Variants in TMEM132B observed in about 807,000 individuals in gnomAD.
The protein encoded by TMEM132B is transmembrane protein 132B.
In TMEM132B, 18 loss-of-function variants were observed where a neutral mutation model predicts 90.8. The ratio of observed to expected loss-of-function variants is 0.20; its 90% CI spans 0.14 to 0.29. The LOEUF is 0.29. TMEM132B is among the 10% of genes least tolerant of loss of function. TMEM132B has a pLI of 1.00. For synonymous variants in TMEM132B, 504 were observed against 523.3 expected (o/e 0.96, Z 0.50); for missense variants, 1,096 against 1,326.8 (o/e 0.83, Z 2.70).
intron 1 of TMEM132B, among the ~76,000 whole-genome samples, chr12:125,324,942 C>T (rs1190942782): frequency 6.6e-6 from 1 of 152,138 alleles, no homozygotes; most frequent in Non-Finnish European, 1.5e-5. Flanking sequence ...TTCAACGGGG[C>T]TCAAACAAAA....
chr12:125,599,592 T>C (rs1885523823), intron 5 of TMEM132B, among the ~76,000 whole-genome samples: 1 of 152,180 alleles, frequency 6.6e-6, no homozygotes, highest in African/African-American at 2.4e-5. Context: ...GGTCCCATGC[T>C]CATTCTGTGG....
chr12:125,352,914 T>C (rs921185596), intron 2 of TMEM132B, among the ~76,000 whole-genome samples: 1 of 152,202 alleles, frequency 6.6e-6, no homozygotes, highest in Non-Finnish European at 1.5e-5. Context: ...ATTTAGCCTT[T>C]GGCTGTTACT....
intron 3 of TMEM132B, among the ~76,000 whole-genome samples, chr12:125,425,535 T>C (rs1880292971): frequency 6.6e-6 from 1 of 152,230 alleles, no homozygotes; most frequent in Non-Finnish European, 1.5e-5. Flanking sequence ...ATGACATTTA[T>C]GCACCATTAC....
At chr12:125,652,677 TTC>T (rs752523951) in intron 8 of TMEM132B, 45 bp downstream of exon 8, 1,081 of 1,566,544 alleles carry the variant, frequency 6.9e-4, no homozygotes, top group Non-Finnish European at 8.9e-4. Context: ...TGGGGATGAC[TTC>T]TCTCTCAGTT....
chr12:125,609,045 A>G (rs1017760421), intron 5 of TMEM132B, among the ~76,000 whole-genome samples: 3 of 152,166 alleles, frequency 2.0e-5, no homozygotes, highest in African/African-American at 7.2e-5. Context: ...GAAAAATGAG[A>G]GCCAGCAGGG....
Position 125,440,540 on chromosome 12 carries a change from C to T in TMEM132B, c.1106+24863C>T, listed in dbSNP as rs371360032. 9.9e-5 allele frequency among the ~76,000 whole-genome samples: 15 copies of T among 152,196 alleles called. No homozygotes were observed. In the South Asian group the frequency reaches 1.9e-3, roughly 19 times the overall value. ...CTCATTAGGACCCGCGATTATTTTC[C>T]CGTTAATAAATGAACTAGTACCTTG... On this transcript the variant is annotated intron_variant, in intron 3 of 8. Coordinates refer to ENST00000682704, the MANE Select transcript of TMEM132B (RefSeq NM_001366854.1).
chr12:125,241,188 G>C (rs1044701013), intron 1 of TMEM132B, among the ~76,000 whole-genome samples: 1 of 152,194 alleles, frequency 6.6e-6, no homozygotes, highest in African/African-American at 2.4e-5. Context: ...AGAAATTTGA[G>C]ATATGGTAAT....
intron 1 of TMEM132B, among the ~76,000 whole-genome samples, chr12:125,320,495 G>A (rs1197005521): frequency 2.0e-5 from 3 of 152,148 alleles, no homozygotes; most frequent in Admixed American, 1.3e-4. Context: ...GTGTGGAACC[G>A]GCCTGTTGCG....
chr12:125,355,286 A>G (rs367990450), intron 2 of TMEM132B, among the ~76,000 whole-genome samples: 4 of 152,178 alleles, frequency 2.6e-5, no homozygotes, highest in South Asian at 4.2e-4. Flanking sequence ...TTGCATTAGC[A>G]GAGACTCAAA....
chr12:125,516,246 C>G (rs182426156), intron 3 of TMEM132B, among the ~76,000 whole-genome samples: 1 of 152,300 alleles, frequency 6.6e-6, no homozygotes, highest in Non-Finnish European at 1.5e-5. Flanking sequence ...TGTCTCATGG[C>G]TGAAACACCG....
At chr12:125,276,909 C>T (rs1235542256) in intron 1 of TMEM132B, among the ~76,000 whole-genome samples, 1 of 152,162 alleles carries the variant, frequency 6.6e-6, no homozygotes, top group Non-Finnish European at 1.5e-5. Context: ...CCCGGCAATC[C>T]AATTTGGGCA....
In TMEM132B at chr12:125,246,914, G is replaced by T. The variant is rs78923007; in HGVS notation, c.67+60048G>T. ...CCCACCGGGAGAGCCTGGGGTTTGT[G>T]GGGGAGGTGGTGGGGGTAGGGGCAC... On this transcript the variant is annotated intron_variant, in intron 1 of 8. Coordinates refer to ENST00000682704, the MANE Select transcript of TMEM132B (RefSeq NM_001366854.1). The surrounding 1 kb of genome is among the most constrained non-coding windows in gnomAD (Gnocchi z 4.2). Among the ~76,000 whole-genome samples the T allele has an allele frequency of 6.6e-6, 1 of 152,042 alleles. No individual in the cohort carries two copies. The highest frequency in any genetic ancestry group is 1.9e-4 in the East Asian group (1 of 5,192).
chr12:125,411,365 T>TC (rs796796355), intron 2 of TMEM132B, among the ~76,000 whole-genome samples: 5 of 111,266 alleles, frequency 4.5e-5, no homozygotes, highest in African/African-American at 1.5e-4. Flanking sequence ...TGTCAGAGGG[T>TC]GGGGGGGGGC....
At chr12:125,341,706 A>G (rs1342275261) in intron 1 of TMEM132B, among the ~76,000 whole-genome samples, 1 of 152,144 alleles carries the variant, frequency 6.6e-6, no homozygotes, top group Admixed American at 6.5e-5. Context: ...TCTAGCAAAC[A>G]CAGAAAAATA....
intron 1 of TMEM132B, among the ~76,000 whole-genome samples, chr12:125,217,699 C>T (rs1873468561): frequency 6.6e-6 from 1 of 152,178 alleles, no homozygotes; most frequent in South Asian, 2.1e-4. Context: ...AGTGATCTTC[C>T]CTCCTTGGCC....
In TMEM132B at chr12:125,654,118, A is replaced by G. The variant is rs200623837; in HGVS notation, c.2660A>G (p.Asn887Ser). ...ACTCAAGGGAAGTCACCGGACCCCA[A>G]TAATCCTAGTGACCTCACAGTGACC... ...FPTQGKSPDP[N>S]NPSDLTVTSR... is the part of the protein sequence containing the mutation. Residue 887 changes from asparagine (N) to serine (S), a missense_variant, in exon 9 of 9, where the codon AAT becomes AGT. Asn to Ser is a conservative substitution (Grantham distance 46). Transcript: ENST00000682704. This position sits in a 1 kb window ranked among gnomAD's most constrained non-coding sequence, Gnocchi z 5.8. 9.3e-6 allele frequency: 15 copies of G among 1,614,234 alleles called. No individual in the cohort carries two copies. The Middle Eastern group carries it at 4.9e-4, about 53-fold the overall frequency.
intron 3 of TMEM132B, among the ~76,000 whole-genome samples, chr12:125,510,159 G>C (rs1882943147): frequency 6.6e-6 from 1 of 152,302 alleles, no homozygotes; most frequent in Middle Eastern, 3.4e-3. Context: ...GCTTGTCACG[G>C]TGATGCTGAT....
rs980905655 is a variant in TMEM132B at position 125,348,909 on chromosome 12, A to T, written c.68-543A>T. ...GTGTGCATTCTCATTGGTATTTCGG[A>T]AGGAGAGAGTTCTAGAAGTAGGAAA... is the stretch of plus-strand genomic sequence containing the variant. On this transcript the variant is annotated intron_variant, in intron 1 of 8. Transcript: ENST00000682704. Among the ~76,000 whole-genome samples, 4 of 152,138 alleles carry T rather than the reference A, an allele frequency of 2.6e-5. No homozygotes were observed. In the East Asian group the frequency reaches 5.8e-4, roughly 22 times the overall value.
intron 3 of TMEM132B, among the ~76,000 whole-genome samples, chr12:125,516,044 C>T (rs532977701): frequency 4.7e-4 from 71 of 152,102 alleles, no homozygotes; most frequent in African/African-American, 1.6e-3. Flanking sequence ...CCCCCACATT[C>T]ACGCATTCTC....
Sources: allele counts gnomAD v4.1 joint callset (sites outside exome capture counted in the v4.1 genomes callset), GRCh38; gene constraint gnomAD v4.1.1; non-coding constraint Gnocchi (gnomAD v3.1); transcripts MANE v1.5; gene names NCBI Gene and HGNC (gene_info 2026-07-23, HGNC 2026-07-21).